Variants in JARID2 observed in about 807,000 individuals in gnomAD.
The protein encoded by JARID2 is protein Jumonji.
Under a neutral mutation model 125.6 loss-of-function variants are expected in JARID2, and 21 were observed. The ratio of observed to expected loss-of-function variants is 0.17; its 90% CI spans 0.12 to 0.24. The LOEUF (loss-of-function observed/expected upper bound fraction) is 0.24. Among genes scored for constraint, JARID2 ranks in the 10% least tolerant of loss-of-function variants. The pLI is 1.00. For synonymous variants in JARID2, 736 were observed against 661.6 expected (o/e 1.11, Z -1.73); for missense variants, 1,303 against 1,639.6 (o/e 0.79, Z 3.55).
At chr6:15,511,477 C>T in intron 13 of JARID2, 76 bp downstream of exon 13, 1 of 1,012,678 alleles carries the variant, frequency 9.9e-7, no homozygotes, top group Non-Finnish European at 1.5e-6. Flanking sequence ...TCCCATGAAC[C>T]CGCCTTTCAA....
intron 1 of JARID2, among the ~76,000 whole-genome samples, chr6:15,302,148 G>T (rs1047304461): frequency 1.3e-5 from 2 of 152,172 alleles, no homozygotes; most frequent in African/African-American, 4.8e-5. Flanking sequence ...GGGTGCAGTG[G>T]CTCATGCCTG....
intron 1 of JARID2, among the ~76,000 whole-genome samples, chr6:15,308,598 A>G (rs1761913645): frequency 6.6e-6 from 1 of 152,206 alleles, no homozygotes; most frequent in African/African-American, 2.4e-5. Flanking sequence ...TTCCTTCCTT[A>G]AAAACAACGA....
chr6:15,370,330 GTTTT>G (rs33981169), intron 1 of JARID2, among the ~76,000 whole-genome samples: 3,949 of 114,286 alleles, frequency 0.035, 186 homozygotes, highest in African/African-American at 0.11. Context: ...TATCTGGGCT[GTTTT>G]TTTTTTTTTT....
At chr6:15,503,588 T>G (rs1426122920) in intron 8 of JARID2, among the ~76,000 whole-genome samples, 1 of 152,196 alleles carries the variant, frequency 6.6e-6, no homozygotes, top group Non-Finnish European at 1.5e-5. Flanking sequence ...TTTGTGTGTT[T>G]GAGGCCTGTG....
chr6:15,373,971 C>G, intron 1 of JARID2, 146 bp from the exon 2 acceptor site: 2 of 843,430 alleles, frequency 2.4e-6, no homozygotes, highest in Non-Finnish European at 3.7e-6. Context: ...GCCCCTTTAC[C>G]TTATGGGTGT....
At chr6:15,305,246 C>T (rs1761777245) in intron 1 of JARID2, among the ~76,000 whole-genome samples, 1 of 152,132 alleles carries the variant, frequency 6.6e-6, no homozygotes, top group African/African-American at 2.4e-5. Flanking sequence ...TTGATGTTGG[C>T]CGGTCATCCT....
chr6:15,399,483 C>T (rs1304702031), intron 2 of JARID2, among the ~76,000 whole-genome samples: 1 of 151,768 alleles, frequency 6.6e-6, no homozygotes, highest in South Asian at 2.1e-4. Flanking sequence ...CATCTACCTT[C>T]GTGATGTCTG....
intron 1 of JARID2, among the ~76,000 whole-genome samples, chr6:15,255,665 G>A (rs1479406959): frequency 2.6e-5 from 4 of 152,208 alleles, no homozygotes. Flanking sequence ...TCAGCCAGCT[G>A]TTAGAGTGTT....
intron 5 of JARID2, among the ~76,000 whole-genome samples, chr6:15,473,997 G>A (rs1397026062): frequency 6.6e-6 from 1 of 152,246 alleles, no homozygotes; most frequent in East Asian, 1.9e-4. Flanking sequence ...AGGCAGTACT[G>A]TAGAAGAACA....
intron 4 of JARID2, among the ~76,000 whole-genome samples, chr6:15,459,868 A>C (rs1387400524): frequency 6.6e-6 from 1 of 152,240 alleles, no homozygotes; most frequent in African/African-American, 2.4e-5. Context: ...TAATCCCCCA[A>C]TTGCAAGGAA....
chr6:15,402,206 A>G (rs1381290980), intron 2 of JARID2, among the ~76,000 whole-genome samples: 2 of 152,160 alleles, frequency 1.3e-5, no homozygotes, highest in African/African-American at 2.4e-5. Context: ...CCCATTTATC[A>G]TTACAGATTA....
intron 1 of JARID2, among the ~76,000 whole-genome samples, chr6:15,283,085 T>A (rs1561767875): frequency 6.6e-6 from 1 of 151,486 alleles, no homozygotes; most frequent in Non-Finnish European, 1.5e-5. Flanking sequence ...TTCTTGCCAT[T>A]CTCCTGCCTC....
chr6:15,263,112 G>C (rs887686490), intron 1 of JARID2, among the ~76,000 whole-genome samples: 2 of 136,804 alleles, frequency 1.5e-5, no homozygotes, highest in African/African-American at 5.4e-5. Flanking sequence ...GTGTGTGTGT[G>C]TGTGTGGTAG....
intron 4 of JARID2, among the ~76,000 whole-genome samples, chr6:15,456,878 C>CTTTTTTTTTTTTTTTTTTTTTTTTTTT (rs71535043): frequency 3.1e-5 from 3 of 95,672 alleles, no homozygotes; most frequent in African/African-American, 1.2e-4. Context: ...GGATGTTAAG[C>CTTTTTTTTTTTTTTTTTTTTTTTTTTT]TTTTTTTTTT....
intron 5 of JARID2, among the ~76,000 whole-genome samples, chr6:15,473,938 C>T (rs1050745677): frequency 2.6e-4 from 40 of 152,206 alleles, no homozygotes; most frequent in Admixed American, 3.9e-4. Context: ...ATGGTGGTTT[C>T]GTGAAACCAA....
chr6:15,384,047 G>A (rs892928386), intron 2 of JARID2, among the ~76,000 whole-genome samples: 2 of 152,132 alleles, frequency 1.3e-5, no homozygotes, highest in Non-Finnish European at 2.9e-5. Context: ...GCTTGCCTCT[G>A]CCTCCCAAAG....
At chr6:15,487,009 T>C (rs1456818354) in intron 5 of JARID2, among the ~76,000 whole-genome samples, 2 of 151,958 alleles carry the variant, frequency 1.3e-5, no homozygotes, top group Admixed American at 1.3e-4. Flanking sequence ...CTTACAATCA[T>C]TGTGGAAGTC....
At chr6:15,352,158 G>T (rs551529610) in intron 1 of JARID2, among the ~76,000 whole-genome samples, 91 of 152,044 alleles carry the variant, frequency 6.0e-4, no homozygotes, top group Non-Finnish European at 1.1e-3. Context: ...AATCCTGTTA[G>T]TTTCTTGAAC....
chr6:15,469,735 G>T (rs953912326), intron 5 of JARID2, among the ~76,000 whole-genome samples: 4 of 152,078 alleles, frequency 2.6e-5, no homozygotes, highest in Non-Finnish European at 5.9e-5. Flanking sequence ...TGCACAGCGA[G>T]GTTGTAATTG....
Sources: allele counts gnomAD v4.1 joint callset (sites outside exome capture counted in the v4.1 genomes callset), GRCh38; gene constraint gnomAD v4.1.1; transcripts MANE v1.5; gene names NCBI Gene and HGNC (gene_info 2026-07-23, HGNC 2026-07-21).